The following EPM2A variants were observed in gnomAD, a reference collection of about 807,000 sequenced individuals.
EPM2A encodes EPM2A glucan phosphatase, laforin.
Under a neutral mutation model 26.5 loss-of-function variants are expected in EPM2A, and 21 were observed. That is an observed-to-expected ratio of 0.79 (90% confidence interval 0.56 to 1.14). EPM2A has a LOEUF of 1.14. EPM2A is among the 50% of genes most tolerant of loss of function. The probability of loss-of-function intolerance (pLI) is 0.00; values close to 1 mark genes in which losing one functional copy is unlikely to be tolerated. For synonymous variants in EPM2A, 217 were observed against 177.6 expected (o/e 1.22, Z -1.76); for missense variants, 458 against 440.8 (o/e 1.04, Z -0.35).
At chr6:145,557,799 C>G (rs1331669784) in intron 2 of EPM2A, among the ~76,000 whole-genome samples, 1 of 152,048 alleles carries the variant, frequency 6.6e-6, no homozygotes, top group African/African-American at 2.4e-5. Flanking sequence ...TTGTTATTAA[C>G]TATAATCATC....
At chr6:145,713,761 A>G (rs560190365) in intron 1 of EPM2A, among the ~76,000 whole-genome samples, 27 of 152,324 alleles carry the variant, frequency 1.8e-4, no homozygotes, top group African/African-American at 4.1e-4. Flanking sequence ...AAGTAAAAAC[A>G]TATGTTCACA....
chr6:145,632,103 C>T (rs374157046), intron 3 of EPM2A: 5 of 152,142 alleles, frequency 3.3e-5, no homozygotes, highest in Admixed American at 1.3e-4. Context: ...TCTTATTCTA[C>T]TGTTATAGTC....
chr6:145,622,201 G>A (rs746771330), downstream of EPM2A, among the ~76,000 whole-genome samples: 2 of 152,060 alleles, frequency 1.3e-5, no homozygotes, highest in South Asian at 4.2e-4. Context: ...AACAGTACAG[G>A]AATTCATCCT....
At chr6:145,680,341 T>TG (rs938321627) in intron 2 of EPM2A, among the ~76,000 whole-genome samples, 1 of 150,116 alleles carries the variant, frequency 6.7e-6, no homozygotes, top group Non-Finnish European at 1.5e-5. Context: ...GCTAATTTCT[T>TG]TTTTTTTTCT....
intron 4 of EPM2A, among the ~76,000 whole-genome samples, chr6:145,468,205 G>A (rs919137248): frequency 1.4e-4 from 21 of 151,864 alleles, no homozygotes; most frequent in Non-Finnish European, 2.2e-4. Flanking sequence ...CCAGGGTTTC[G>A]AATTTCCTGT....
chr6:145,704,200 T>C (rs1258370566), intron 1 of EPM2A, among the ~76,000 whole-genome samples: 1 of 152,192 alleles, frequency 6.6e-6, no homozygotes, highest in East Asian at 1.9e-4. Context: ...ATTTTTTAAA[T>C]GAATGGTAGT....
intron 4 of EPM2A, among the ~76,000 whole-genome samples, chr6:145,481,478 C>T (rs1473149603): frequency 6.6e-6 from 1 of 151,988 alleles, no homozygotes; most frequent in East Asian, 1.9e-4. Flanking sequence ...CCTTGATGAG[C>T]TTATTAAATG....
chr6:145,489,871 T>A, intron 4 of EPM2A: 1 of 1,410,468 alleles, frequency 7.1e-7, no homozygotes, highest in Non-Finnish European at 1.0e-6. Flanking sequence ...CCATTCAAAG[T>A]GAAGCTTCTC....
At chr6:145,703,549 C>A (rs999319001) in intron 1 of EPM2A, among the ~76,000 whole-genome samples, 3 of 152,154 alleles carry the variant, frequency 2.0e-5, no homozygotes, top group African/African-American at 4.8e-5. Context: ...CCTAATTTTT[C>A]AAGGCAATTA....
intron 4 of EPM2A, among the ~76,000 whole-genome samples, chr6:145,463,555 T>G (rs1779352286): frequency 6.7e-6 from 1 of 149,446 alleles, no homozygotes; most frequent in South Asian, 2.1e-4. Flanking sequence ...CACAATTTAC[T>G]TTTTCCACTT....
At chr6:145,587,228 G>A (rs1370484913) in intron 2 of EPM2A, among the ~76,000 whole-genome samples, 1 of 152,098 alleles carries the variant, frequency 6.6e-6, no homozygotes, top group Non-Finnish European at 1.5e-5. Context: ...TGCCTCATTT[G>A]AAAGAAGCAT....
intron 4 of EPM2A, among the ~76,000 whole-genome samples, chr6:145,453,548 A>C (rs2136319): frequency 0.65 from 98,630 of 151,876 alleles, 33,582 homozygotes; most frequent in East Asian, 0.85. Flanking sequence ...CTGTAACTTG[A>C]CCCTGGTGTT....
Position 145,686,187 on chromosome 6 carries a change from A to G in EPM2A, c.411T>C (p.Asn137=). ...GHWIEATGHT[N]EMKHTTDFYF... ...AGAAGTCTGTTGTGTGCTTCATTTC[A>G]TTGGTGTGCCCAGTGGCCTCAATCC... is the stretch of plus-strand genomic sequence containing the variant. The change falls in exon 2 of 4, where the codon AAT becomes AAC. Residue 137 remains asparagine, a synonymous_variant. Coordinates refer to ENST00000367519, the MANE Select transcript of EPM2A (RefSeq NM_005670.4). 1.9e-6 allele frequency: 3 copies of G among 1,613,980 alleles called. No individual in the cohort carries two copies. Among genetic ancestry groups the G allele is most frequent in the African/African-American group, 2.7e-5 (2 of 75,046 alleles).
intron 4 of EPM2A, among the ~76,000 whole-genome samples, chr6:145,414,103 T>A (rs1435460405): frequency 6.6e-6 from 1 of 152,156 alleles, no homozygotes; most frequent in Non-Finnish European, 1.5e-5. Flanking sequence ...CCTGAGGTGA[T>A]CTTCCTCTTG....
chr6:145,547,718 G>T (rs986015782), intron 2 of EPM2A, among the ~76,000 whole-genome samples: 2 of 151,972 alleles, frequency 1.3e-5, no homozygotes, highest in African/African-American at 4.8e-5. Flanking sequence ...GTTCTCTCTT[G>T]CTATTGAACA....
At chr6:145,708,235 C>T (rs779219391) in intron 1 of EPM2A, among the ~76,000 whole-genome samples, 4 of 152,156 alleles carry the variant, frequency 2.6e-5, no homozygotes, top group Non-Finnish European at 2.9e-5. Flanking sequence ...AAAAGAAAAA[C>T]GCATTTTCTG....
chr6:145,471,711 C>T (rs1779475969), intron 4 of EPM2A, among the ~76,000 whole-genome samples: 1 of 152,120 alleles, frequency 6.6e-6, no homozygotes, highest in Non-Finnish European at 1.5e-5. Flanking sequence ...TAAATCAGCC[C>T]TAGTCAGCAG....
At chr6:145,675,683 T>TAAAG (rs1779980630) in intron 2 of EPM2A, among the ~76,000 whole-genome samples, 1 of 149,554 alleles carries the variant, frequency 6.7e-6, no homozygotes, top group Non-Finnish European at 1.5e-5. Flanking sequence ...TTAAAAGAGA[T>TAAAG]AAGGCCATTA....
chr6:145,437,302 C>A (rs1030889730), intron 4 of EPM2A, among the ~76,000 whole-genome samples: 7 of 152,074 alleles, frequency 4.6e-5, no homozygotes, highest in Non-Finnish European at 1.0e-4. Flanking sequence ...CTAAGGCCTC[C>A]CATTCATGCT....
Sources: allele counts gnomAD v4.1 joint callset (sites outside exome capture counted in the v4.1 genomes callset), GRCh38; gene constraint gnomAD v4.1.1; transcripts MANE v1.5; gene names NCBI Gene and HGNC (gene_info 2026-07-23, HGNC 2026-07-21).